FMN1: variants seen among roughly 807,000 people sequenced by gnomAD.
FMN1 encodes formin-1.
FMN1 carries 110 observed loss-of-function variants against 132.4 expected under a neutral mutation model. The observed-to-expected ratio is 0.83, with a 90% CI of 0.71 to 0.97. The LOEUF is 0.97. Ranked by LOEUF, FMN1 falls within the 50% of genes least tolerant of loss-of-function variation. The pLI is 0.00. For missense variants in FMN1, 1,792 were observed against 1,705.3 expected, an observed-to-expected ratio of 1.05 and a Z score of -0.90; for synonymous variants, 722 against 651.7, an observed-to-expected ratio of 1.11 and a Z score of -1.64.
chr15:32,888,098 C>G (rs2059937163), intron 16 of FMN1, 74 bp downstream of exon 16: 1 of 1,332,510 alleles, frequency 7.5e-7, no homozygotes, highest in Non-Finnish European at 1.0e-6. Flanking sequence ...TGAACCAGAC[C>G]TAAATAATCC....
At chr15:33,044,345 G>T (rs1596540212) in intron 6 of FMN1, among the ~76,000 whole-genome samples, 1 of 152,220 alleles carries the variant, frequency 6.6e-6, no homozygotes, top group Admixed American at 6.5e-5. Context: ...AAGCCTGGAG[G>T]TTGGGCTGCC....
chr15:32,805,450 T>C (rs1331790251), intron 17 of FMN1, among the ~76,000 whole-genome samples: 1 of 152,214 alleles, frequency 6.6e-6, no homozygotes, highest in Non-Finnish European at 1.5e-5. Flanking sequence ...ATTCTGTAGG[T>C]TGCCTGTTCA....
intron 6 of FMN1, among the ~76,000 whole-genome samples, chr15:33,015,269 A>G (rs2034974988): frequency 6.6e-6 from 1 of 152,194 alleles, no homozygotes; most frequent in African/African-American, 2.4e-5. Context: ...AATCACTCGT[A>G]AACTTGGGGT....
At chr15:32,938,644 T>TAA (rs527467443) in intron 9 of FMN1, among the ~76,000 whole-genome samples, 89 of 152,348 alleles carry the variant, frequency 5.8e-4, no homozygotes, top group African/African-American at 2.1e-3. Context: ...ATCATTCAAA[T>TAA]AATATGCCCA....
At chr15:32,821,182 T>C in intron 17 of FMN1, among the ~76,000 whole-genome samples, 1 of 151,930 alleles carries the variant, frequency 6.6e-6, no homozygotes, top group Non-Finnish European at 1.5e-5. Flanking sequence ...GCAGATTGTC[T>C]TGTCCTCTCT....
chr15:32,793,077 T>C (rs2057147945), intron 19 of FMN1, among the ~76,000 whole-genome samples: 1 of 152,112 alleles, frequency 6.6e-6, no homozygotes. Context: ...TAAAAGAAGT[T>C]AGAAGGGAAA....
intron 17 of FMN1, among the ~76,000 whole-genome samples, chr15:32,815,489 A>G (rs979995825): frequency 3.9e-5 from 6 of 152,180 alleles, no homozygotes; most frequent in African/African-American, 1.4e-4. Flanking sequence ...ACTTGTCCAT[A>G]TGTACACTAG....
chr15:32,819,324 G>T (rs75283997), intron 17 of FMN1, among the ~76,000 whole-genome samples: 114 of 152,226 alleles, frequency 7.5e-4, no homozygotes, highest in African/African-American at 2.6e-3. Flanking sequence ...GAAGCTTGTT[G>T]TAAATGCCCA....
intron 3 of FMN1, among the ~76,000 whole-genome samples, chr15:33,161,285 G>A (rs921683899): frequency 2.6e-5 from 4 of 152,184 alleles, no homozygotes; most frequent in Non-Finnish European, 5.9e-5. Context: ...AAGTTTCCTT[G>A]CCCTGTGGCT....
chr15:33,013,615 CTT>C (rs1354156636), intron 6 of FMN1, among the ~76,000 whole-genome samples: 1 of 152,160 alleles, frequency 6.6e-6, no homozygotes, highest in Non-Finnish European at 1.5e-5. Context: ...AAATACTTCT[CTT>C]TTGAAAACTG....
intron 18 of FMN1, among the ~76,000 whole-genome samples, chr15:32,803,261 T>C (rs143722964): frequency 2.0e-3 from 305 of 152,334 alleles, no homozygotes; most frequent in Non-Finnish European, 3.5e-3. Flanking sequence ...AATTTACCAG[T>C]ACTTTTAGAA....
intron 16 of FMN1, among the ~76,000 whole-genome samples, chr15:32,876,814 A>G (rs79221252): frequency 6.5e-4 from 99 of 152,344 alleles, no homozygotes; most frequent in African/African-American, 2.3e-3. Context: ...CATTCGACAG[A>G]TTCATAATTC....
At chr15:33,066,318 T>TA (rs2037723425) in intron 5 of FMN1, among the ~76,000 whole-genome samples, 1 of 152,172 alleles carries the variant, frequency 6.6e-6, no homozygotes, top group Non-Finnish European at 1.5e-5. Flanking sequence ...ATATTCCAGA[T>TA]AAAAATCAGG....
chr15:32,807,001 C>G (rs1567199164), intron 17 of FMN1, among the ~76,000 whole-genome samples: 1 of 152,170 alleles, frequency 6.6e-6, no homozygotes. Context: ...TCTAGGAGGG[C>G]AGCAGCTTCA....
chr15:32,872,472 A>T (rs985505541), intron 16 of FMN1, among the ~76,000 whole-genome samples: 1 of 152,250 alleles, frequency 6.6e-6, no homozygotes, highest in African/African-American at 2.4e-5. Flanking sequence ...TCAGGAAAAT[A>T]GTACTCCTAT....
chr15:33,066,951 G>C lies in FMN1; in HGVS notation c.2044-1877C>G, dbSNP rs751967332. On this transcript the variant is annotated intron_variant, in intron 5 of 20. Transcript: ENST00000616417. ...TGCACTAAGGACTTCTGCACAGGCT[G>C]CGTCAATTTGAGCAAAGCTAAGTCC... is the stretch of plus-strand genomic sequence containing the variant. 6.8e-6 allele frequency: 11 copies of C among 1,613,822 alleles called. No homozygotes were observed. In the East Asian group the frequency reaches 2.0e-4, roughly 29 times the overall value.
At chr15:33,145,106 T>C (rs760103090) in intron 4 of FMN1, among the ~76,000 whole-genome samples, 38 of 152,066 alleles carry the variant, frequency 2.5e-4, no homozygotes, top group Non-Finnish European at 5.1e-4. Context: ...TTCCCCTGAA[T>C]CATTCTAGAA....
chr15:32,877,920 C>T (rs1348789482), intron 16 of FMN1, among the ~76,000 whole-genome samples: 1 of 152,158 alleles, frequency 6.6e-6, no homozygotes, highest in Non-Finnish European at 1.5e-5. Context: ...GTGGAAAGTG[C>T]TGACCAGCAC....
chr15:32,777,638 A>AAC (rs1328230709), intron 19 of FMN1, among the ~76,000 whole-genome samples: 1,899 of 131,728 alleles, frequency 0.014, 208 homozygotes, highest in African/African-American at 0.056. Flanking sequence ...TATTACGTAT[A>AAC]ACATAACACA....
Sources: allele counts gnomAD v4.1 joint callset (sites outside exome capture counted in the v4.1 genomes callset), GRCh38; gene constraint gnomAD v4.1.1; transcripts MANE v1.5; gene names NCBI Gene and HGNC (gene_info 2026-07-23, HGNC 2026-07-21).